Variants in SEMA5A observed in about 807,000 individuals in gnomAD.
SEMA5A encodes semaphorin 5A, also known as semaphorin-5A.
In SEMA5A, 55 loss-of-function variants were observed where a neutral mutation model predicts 135.5. The observed-to-expected ratio is 0.41, with a 90% CI of 0.33 to 0.51. The LOEUF (loss-of-function observed/expected upper bound fraction) is 0.51, where lower values mean the gene tolerates loss of function less well. Among genes scored for constraint, SEMA5A ranks in the 20% least tolerant of loss-of-function variants. The pLI is 0.37. For synonymous variants in SEMA5A, 580 were observed against 546.5 expected (o/e 1.06, Z -0.85); for missense variants, 1,290 against 1,419.9 (o/e 0.91, Z 1.47).
At chr5:9,154,950 T>C (rs184583156) in intron 11 of SEMA5A, among the ~76,000 whole-genome samples, 291 of 152,216 alleles carry the variant, frequency 1.9e-3, no homozygotes, top group Non-Finnish European at 3.7e-3. Context: ...TCATGTCCGA[T>C]TGGACCCTTC....
At chr5:9,279,431 C>A (rs752306972) in intron 5 of SEMA5A, among the ~76,000 whole-genome samples, 15 of 152,106 alleles carry the variant, frequency 9.9e-5, no homozygotes, top group Admixed American at 3.9e-4. Flanking sequence ...TCAGATGTGA[C>A]TTTGGACCTG....
At chr5:9,221,336 T>C (rs1284288526) in intron 8 of SEMA5A, among the ~76,000 whole-genome samples, 1 of 144,320 alleles carries the variant, frequency 6.9e-6, no homozygotes, top group East Asian at 2.1e-4. Flanking sequence ...GGAGTCTCGC[T>C]GTGTCACCCA....
At position 9,387,335 on chromosome 5, in the gene SEMA5A, G is replaced by T. The variant is rs148179686; in HGVS notation, c.-77-7312C>A. On this transcript the variant is annotated intron_variant, in intron 2 of 22. Coordinates refer to ENST00000382496, the MANE Select transcript of SEMA5A (RefSeq NM_003966.3). ...CCAGCCATAATGAAGGATTTCTTCG[G>T]TGGACAAGGTACAGCTTTCCAAGAT... is the stretch of plus-strand genomic sequence containing the variant. Among the ~76,000 whole-genome samples the T allele has an allele frequency of 8.9e-4, 135 of 152,280 alleles. No individual in the cohort carries two copies. The East Asian group carries it at 0.012, about 14-fold the overall frequency.
chr5:9,538,207 C>G (rs1737878627), intron 1 of SEMA5A, among the ~76,000 whole-genome samples: 1 of 146,048 alleles, frequency 6.8e-6, no homozygotes, highest in South Asian at 2.3e-4. Context: ...ATTTTAACTG[C>G]AAAATGTGCC....
intron 11 of SEMA5A, among the ~76,000 whole-genome samples, chr5:9,188,991 A>C (rs1250130268): frequency 2.0e-5 from 3 of 152,082 alleles, no homozygotes; most frequent in African/African-American, 7.2e-5. Flanking sequence ...TGTGGCCTCC[A>C]TCTGCCCACT....
Position 9,154,471 on chromosome 5 carries a change from C to A in SEMA5A, c.1481+17G>T. 1 of 1,611,000 alleles carries A rather than the reference C, an allele frequency of 6.2e-7. No individual in the cohort carries two copies. Among genetic ancestry groups the A allele is most frequent in the Non-Finnish European group, 8.5e-7 (1 of 1,179,132 alleles). ...TCACACACACACCAGTGCATCCTGACCCCGGAGATGCCCTACCTGCGTGTG... is the reference window on the plus strand; with the variant it reads ...TCACACACACACCAGTGCATCCTGAACCCGGAGATGCCCTACCTGCGTGTG... On this transcript the variant is annotated intron_variant, in intron 12 of 22. Coordinates refer to ENST00000382496, the MANE Select transcript of SEMA5A (RefSeq NM_003966.3).
At chr5:9,125,341 T>A (rs1741049628) in intron 13 of SEMA5A, among the ~76,000 whole-genome samples, 2 of 152,302 alleles carry the variant, frequency 1.3e-5, no homozygotes, top group African/African-American at 4.8e-5. Flanking sequence ...TTTTTGTAAA[T>A]TTTACTTTAA....
chr5:9,304,042 G>A (rs4701839), intron 5 of SEMA5A, among the ~76,000 whole-genome samples: 129,236 of 152,098 alleles, frequency 0.85, 57,020 homozygotes, highest in East Asian at 0.97. Context: ...TTACACACAA[G>A]TAGACTGTGG....
chr5:9,044,638 C>A, intron 21 of SEMA5A, 54 bp from the exon 22 acceptor site: 2 of 1,430,736 alleles, frequency 1.4e-6, no homozygotes, highest in Non-Finnish European at 2.0e-6. Context: ...TCCTGCCTAG[C>A]TACTCAAAGC....
At position 9,253,057 on chromosome 5, in the gene SEMA5A, C is replaced by T. The variant is rs1323399695; in HGVS notation, c.271-15167G>A. 3.3e-5 allele frequency among the ~76,000 whole-genome samples: 5 copies of T among 152,150 alleles called. No individual in the cohort carries two copies. The South Asian group carries it at 8.3e-4, about 25-fold the overall frequency. On this transcript the variant is annotated intron_variant, in intron 5 of 22. Coordinates refer to ENST00000382496, the MANE Select transcript of SEMA5A (RefSeq NM_003966.3). The stretch of plus-strand genomic sequence containing the variant: ...GGTCTCAGGGCTGACAATAACACAA[C>T]AATTTATGGAAGAGCTAAACATTCC...
At chr5:9,144,964 A>G (rs1742255008) in intron 12 of SEMA5A, among the ~76,000 whole-genome samples, 2 of 152,152 alleles carry the variant, frequency 1.3e-5, no homozygotes, top group Non-Finnish European at 2.9e-5. Context: ...TCCGGAGACC[A>G]TGAGAAGTAT....
chr5:9,416,334 C>G (rs1757282931), intron 2 of SEMA5A, among the ~76,000 whole-genome samples: 1 of 152,146 alleles, frequency 6.6e-6, no homozygotes, highest in African/African-American at 2.4e-5. Flanking sequence ...GGACTGTCCA[C>G]TCTAACCCGT....
At chr5:9,068,954 T>C (rs963122276) in intron 16 of SEMA5A, among the ~76,000 whole-genome samples, 1 of 151,512 alleles carries the variant, frequency 6.6e-6, no homozygotes, top group African/African-American at 2.4e-5. Flanking sequence ...CAACCAAGAG[T>C]CCTCTCTCAG....
intron 1 of SEMA5A, among the ~76,000 whole-genome samples, chr5:9,501,629 T>C (rs1005658590): frequency 1.6e-4 from 25 of 152,314 alleles, no homozygotes; most frequent in Admixed American, 1.6e-3. Flanking sequence ...TCCCTCCTCC[T>C]GCTGGAATCC....
At chr5:9,481,228 G>A (rs986817535) in intron 1 of SEMA5A, among the ~76,000 whole-genome samples, 1 of 152,174 alleles carries the variant, frequency 6.6e-6, no homozygotes, top group Non-Finnish European at 1.5e-5. Context: ...TTATAGGCAT[G>A]AGCCACCATG....
chr5:9,288,061 C>T (rs777639909), intron 5 of SEMA5A, among the ~76,000 whole-genome samples: 1 of 152,130 alleles, frequency 6.6e-6, no homozygotes, highest in Non-Finnish European at 1.5e-5. Flanking sequence ...AAAAGAGACA[C>T]ATGACATATC....
At chr5:9,283,554 A>G (rs776362650) in intron 5 of SEMA5A, among the ~76,000 whole-genome samples, 42 of 152,174 alleles carry the variant, frequency 2.8e-4, no homozygotes, top group Non-Finnish European at 4.9e-4. Flanking sequence ...AGGGTTCTTA[A>G]TTCCATCTGT....
At chr5:9,250,416 A>G (rs556045038) in intron 5 of SEMA5A, among the ~76,000 whole-genome samples, 3 of 152,160 alleles carry the variant, frequency 2.0e-5, no homozygotes, top group Admixed American at 6.6e-5. Context: ...AGTAACTTTA[A>G]CCTTAGACAA....
intron 5 of SEMA5A, among the ~76,000 whole-genome samples, chr5:9,304,793 C>T (rs1751781508): frequency 6.6e-6 from 1 of 152,160 alleles, no homozygotes; most frequent in African/African-American, 2.4e-5. Flanking sequence ...ACCTACATAA[C>T]TATGCAAATA....
Sources: gnomAD v4.1 joint callset for allele counts (sites outside exome capture counted in the v4.1 genomes callset) on GRCh38, gnomAD v4.1.1 for gene constraint, MANE v1.5 for transcripts, NCBI Gene and HGNC (gene_info 2026-07-23, HGNC 2026-07-21) for gene names.